Variants in RBFOX2 observed in about 807,000 individuals in gnomAD.
RBFOX2 encodes RNA binding protein fox-1 homolog 2.
Under a neutral mutation model 49.1 loss-of-function variants are expected in RBFOX2, and 10 were observed. The observed-to-expected ratio is 0.20, with a 90% CI of 0.13 to 0.35. The LOEUF is 0.35. Ranked by LOEUF, RBFOX2 falls within the 10% of genes least tolerant of loss-of-function variation. The probability of loss-of-function intolerance (pLI) is 1.00; values close to 1 mark genes in which losing one functional copy is unlikely to be tolerated. For missense variants in RBFOX2, 323 were observed against 486.9 expected, an observed-to-expected ratio of 0.66 and a Z score of 3.17; for synonymous variants, 183 against 187.4, an observed-to-expected ratio of 0.98 and a Z score of 0.19.
intron 2 of RBFOX2, among the ~76,000 whole-genome samples, chr22:35,788,905 G>A (rs956238920): frequency 1.3e-5 from 2 of 151,936 alleles, no homozygotes; most frequent in Admixed American, 6.6e-5. Context: ...ATTTTCTTTC[G>A]GGAAGCTGTA....
intron 1 of RBFOX2, among the ~76,000 whole-genome samples, chr22:35,864,397 TATA>T (rs1346788502): frequency 6.6e-6 from 1 of 152,144 alleles, no homozygotes; most frequent in African/African-American, 2.4e-5. Context: ...GTCAAAACTG[TATA>T]ATGTGGGCAA....
intron 1 of RBFOX2, among the ~76,000 whole-genome samples, chr22:35,873,172 G>A (rs992686868): frequency 4.6e-5 from 7 of 152,040 alleles, no homozygotes; most frequent in Admixed American, 4.6e-4. Flanking sequence ...ACACAGTCTT[G>A]CTGTCACCTA....
intron 2 of RBFOX2, among the ~76,000 whole-genome samples, chr22:35,791,334 G>A (rs992428731): frequency 3.0e-4 from 44 of 148,990 alleles, no homozygotes; most frequent in Non-Finnish European, 4.6e-4. Flanking sequence ...GCAGTGAGCC[G>A]AGATCGCACC....
At chr22:35,812,978 G>GT (rs1212310927) in intron 1 of RBFOX2, among the ~76,000 whole-genome samples, 1 of 152,194 alleles carries the variant, frequency 6.6e-6, no homozygotes, top group East Asian at 1.9e-4. Flanking sequence ...CAATCCACTT[G>GT]TAGCCTAGGC....
intron 3 of RBFOX2, among the ~76,000 whole-genome samples, chr22:35,780,619 C>T (rs1944939899): frequency 6.6e-6 from 1 of 152,172 alleles, no homozygotes; most frequent in South Asian, 2.1e-4. Context: ...GGTCTTGACA[C>T]TGTGCAGTAT....
At chr22:35,821,620 A>C (rs983810526) in intron 1 of RBFOX2, among the ~76,000 whole-genome samples, 1 of 150,080 alleles carries the variant, frequency 6.7e-6, no homozygotes, top group Admixed American at 6.6e-5. Flanking sequence ...AAAAAAAAAA[A>C]AAAAAAAAAA....
At chr22:35,779,248 T>C (rs1262570776) in intron 3 of RBFOX2, among the ~76,000 whole-genome samples, 2 of 152,208 alleles carry the variant, frequency 1.3e-5, no homozygotes, top group Non-Finnish European at 2.9e-5. Flanking sequence ...GAATTGAAGG[T>C]ATATGCAGAA....
chr22:36,008,525 A>C (rs1479263451), intron 1 of RBFOX2, among the ~76,000 whole-genome samples: 1 of 152,190 alleles, frequency 6.6e-6, no homozygotes, highest in Non-Finnish European at 1.5e-5. Flanking sequence ...GAGGTTTAAC[A>C]AAAAATAGGG....
intron 4 of RBFOX2, among the ~76,000 whole-genome samples, chr22:35,771,149 G>A (rs1047499848): frequency 2.0e-5 from 3 of 152,078 alleles, no homozygotes; most frequent in Non-Finnish European, 2.9e-5. Context: ...TACCTTACAC[G>A]GCAAAAGGGA....
intron 7 of RBFOX2, 50 bp from the exon 9 acceptor site, chr22:35,761,344 T>C: frequency 6.2e-7 from 1 of 1,612,494 alleles, no homozygotes; most frequent in Non-Finnish European, 8.5e-7. Flanking sequence ...TAAAAAGGAG[T>C]CACAAATTGA....
At chr22:35,819,528 T>G (rs994813145) in intron 1 of RBFOX2, among the ~76,000 whole-genome samples, 2 of 152,214 alleles carry the variant, frequency 1.3e-5, no homozygotes, top group African/African-American at 4.8e-5. Flanking sequence ...TAATTTATCT[T>G]CTTCTTAAAA....
At chr22:35,875,888 T>TA (rs1236292957) in intron 1 of RBFOX2, among the ~76,000 whole-genome samples, 6 of 152,148 alleles carry the variant, frequency 3.9e-5, no homozygotes, top group African/African-American at 7.2e-5. Flanking sequence ...TGTGAAATAG[T>TA]AAAAAAATAA....
intron 1 of RBFOX2, among the ~76,000 whole-genome samples, chr22:35,937,088 A>C (rs1237061509): frequency 6.6e-6 from 1 of 152,246 alleles, no homozygotes; most frequent in Non-Finnish European, 1.5e-5. Flanking sequence ...ATAGGACTGT[A>C]GTTCTCAACC....
chr22:35,852,174 G>C (rs1422725480), intron 1 of RBFOX2, among the ~76,000 whole-genome samples: 1 of 152,034 alleles, frequency 6.6e-6, no homozygotes, highest in Non-Finnish European at 1.5e-5. Flanking sequence ...ATAATTTAGA[G>C]ATAATTTAAA....
At chr22:35,826,046 C>CA (rs71736820) in intron 1 of RBFOX2, among the ~76,000 whole-genome samples, 2,817 of 100,798 alleles carry the variant, frequency 0.028, 40 homozygotes, top group Admixed American at 0.039. Flanking sequence ...TTGCTTTTGG[C>CA]AAAAAAAAAA....
At chr22:35,931,242 A>G (rs1234353469) in intron 1 of RBFOX2, among the ~76,000 whole-genome samples, 1 of 151,984 alleles carries the variant, frequency 6.6e-6, no homozygotes, top group African/African-American at 2.4e-5. Context: ...GGGGTTCTAG[A>G]CAACCTAACA....
intron 2 of RBFOX2, among the ~76,000 whole-genome samples, chr22:35,802,023 T>C (rs189808004): frequency 2.0e-5 from 3 of 152,296 alleles, no homozygotes; most frequent in Admixed American, 2.0e-4. Flanking sequence ...TTATACTCTA[T>C]ACATATGGGT....
At chr22:35,778,205 T>C in intron 3 of RBFOX2, 127 bp from the exon 5 acceptor site, 2 of 756,594 alleles carry the variant, frequency 2.6e-6, no homozygotes, top group Non-Finnish European at 4.3e-6. Context: ...TCTATGTTTG[T>C]ATTTGTTAGT....
At chr22:36,006,093 T>C (rs1746123503) in intron 1 of RBFOX2, among the ~76,000 whole-genome samples, 1 of 152,200 alleles carries the variant, frequency 6.6e-6, no homozygotes, top group South Asian at 2.1e-4. Flanking sequence ...TGCAAATATA[T>C]AGGGTATGTG....
Sources: gnomAD v4.1 joint callset for allele counts (sites outside exome capture counted in the v4.1 genomes callset) on GRCh38, gnomAD v4.1.1 for gene constraint, MANE v1.5 for transcripts, NCBI Gene and HGNC (gene_info 2026-07-23, HGNC 2026-07-21) for gene names.